The following PHKA1 variants were observed in gnomAD, a reference collection of about 807,000 sequenced individuals.
The protein encoded by PHKA1 is phosphorylase kinase regulatory subunit alpha 1.
A neutral mutation model predicts 110.2 loss-of-function variants in PHKA1; 60 were observed. The ratio of observed to expected loss-of-function variants is 0.54; its 90% CI spans 0.44 to 0.68. PHKA1 has a LOEUF of 0.68. PHKA1 is among the 30% of genes least tolerant of loss of function. PHKA1 has a pLI of 0.00. For missense variants in PHKA1, 801 were observed against 942.5 expected (o/e 0.85, Z 1.97); for synonymous variants, 316 against 333.6 (o/e 0.95, Z 0.58).
At chrX:72,660,526 TG>T in intron 8 of PHKA1, 1 of 405,864 alleles carries the variant, frequency 2.5e-6, no homozygotes, top group Non-Finnish European at 4.0e-6. Flanking sequence ...AGTATAGAAT[TG>T]GACCATAACA....
At chrX:72,710,081 G>C (rs1347530992) in intron 2 of PHKA1, among the ~76,000 whole-genome samples, 1 of 104,600 alleles carries the variant, frequency 9.6e-6, no homozygotes, top group East Asian at 3.0e-4. Flanking sequence ...TCAAAGTACA[G>C]TCAGAGTTTG....
At chrX:72,698,750 T>G (rs185506035) in intron 3 of PHKA1, among the ~76,000 whole-genome samples, 1 of 112,787 alleles carries the variant, frequency 8.9e-6, no homozygotes, top group East Asian at 2.8e-4. Context: ...ACTGTTATTC[T>G]CTTTGTTTCA....
At chrX:72,630,999 G>GTTTTTTTTTTTTTTTTTTTTTTTTTTTGT (rs146161152) in intron 16 of PHKA1, among the ~76,000 whole-genome samples, 1 of 44,710 alleles carries the variant, frequency 2.2e-5, no homozygotes, top group Non-Finnish European at 3.8e-5. Flanking sequence ...ATTTTTTCAG[G>GTTTTTTTTTTTTTTTTTTTTTTTTTTTGT]TTTTTTTTTT....
At chrX:72,707,395 T>A (rs2054301605) in intron 2 of PHKA1, among the ~76,000 whole-genome samples, 2 of 111,963 alleles carry the variant, frequency 1.8e-5, no homozygotes, top group Admixed American at 1.9e-4. Context: ...CTCTGTGTGT[T>A]CCCACAGAGC....
At chrX:72,673,986 T>G (rs1432279708) in intron 6 of PHKA1, among the ~76,000 whole-genome samples, 1 of 78,106 alleles carries the variant, frequency 1.3e-5, no homozygotes, top group Non-Finnish European at 2.3e-5. Context: ...CCCCGGTGTG[T>G]GATGTTCCCC....
rs149502385 is a variant in PHKA1 at position 72,700,823 on chromosome X, G to A, written c.285+4375C>T. The stretch of plus-strand genomic sequence containing the variant: ...TAGAGGAAAAATTTCCAGGACTCAT[G>A]GAGAACTAAAATGTTCATGAATATC... On this transcript the variant is annotated intron_variant, in intron 3 of 31. Coordinates refer to ENST00000373542, the MANE Select transcript of PHKA1 (RefSeq NM_002637.4). 3.1e-3 allele frequency among the ~76,000 whole-genome samples: 351 copies of A among 111,435 alleles called. 1 individual carries two copies. Among genetic ancestry groups the A allele is most frequent in the African/African-American group, 0.011 (342 of 30,710 alleles).
chrX:72,581,405 T>C (rs1365620519), intron 31 of PHKA1, among the ~76,000 whole-genome samples: 1 of 111,730 alleles, frequency 9.0e-6, no homozygotes, highest in African/African-American at 3.2e-5. Flanking sequence ...TAAAAATTAT[T>C]AATTGTTTAG....
At chrX:72,704,951 G>A (rs1381175692) in intron 3 of PHKA1, among the ~76,000 whole-genome samples, 1 of 111,483 alleles carries the variant, frequency 9.0e-6, no homozygotes, top group Non-Finnish European at 1.9e-5. Context: ...TGCATGTACA[G>A]TAATGATGAA....
intron 23 of PHKA1, among the ~76,000 whole-genome samples, chrX:72,608,569 C>T (rs1050622181): frequency 3.6e-5 from 4 of 111,139 alleles, no homozygotes; most frequent in Non-Finnish European, 5.7e-5. Flanking sequence ...TTTAAGCCCG[C>T]GGTGGTGAAG....
intron 5 of PHKA1, among the ~76,000 whole-genome samples, chrX:72,682,385 G>C: frequency 8.8e-6 from 1 of 113,227 alleles, no homozygotes; most frequent in Admixed American, 9.2e-5. Flanking sequence ...CGGGAGGTGA[G>C]GGGCGCCTCT....
At chrX:72,622,587 G>A in intron 18 of PHKA1, 2 of 753,430 alleles carry the variant, frequency 2.7e-6, no homozygotes, top group Non-Finnish European at 3.1e-6. Context: ...AAGCCAATTA[G>A]AGTTTGACTT....
intron 28 of PHKA1, among the ~76,000 whole-genome samples, chrX:72,600,971 A>C (rs1419255830): frequency 8.9e-6 from 1 of 112,451 alleles, no homozygotes; most frequent in African/African-American, 3.2e-5. Context: ...GAGTAGTTTT[A>C]AGCTTTTCAT....
Position 72,626,967 on chromosome X carries a change from T to C in PHKA1, c.1793+4A>G. Reference sequence around the variant, plus strand: ...TCACTAAAGAGTGTATAGAGGTCACTTACCTTGCCCCACCAAAATACCCAT... The same window carrying C: ...TCACTAAAGAGTGTATAGAGGTCACCTACCTTGCCCCACCAAAATACCCAT... On this transcript the variant is annotated splice_donor_region_variant and intron_variant, in intron 17 of 31. Coordinates refer to ENST00000373542, the MANE Select transcript of PHKA1 (RefSeq NM_002637.4). 1 of 1,194,500 alleles carries C rather than the reference T, an allele frequency of 8.4e-7. No individual in the cohort carries two copies.
In PHKA1 at chrX:72,635,206, G is replaced by T. The variant is rs782648445; in HGVS notation, c.1663C>A (p.Arg555=). The change falls in exon 16 of 32, where the codon CGG becomes AGG. Residue 555 remains arginine (R), a synonymous_variant. Coordinates refer to ENST00000373542, the MANE Select transcript of PHKA1 (RefSeq NM_002637.4). ...TDLSYLCSRW[R]MTGQPTITFP... ...GTGATGGTGGGCTGGCCTGTCATCC[G>T]CCAGCGGCTACAGAGGTAGGAGAGG... 8.3e-7 allele frequency: 1 copy of T among 1,211,169 alleles called. No homozygotes were observed. Among genetic ancestry groups the T allele is most frequent in the Admixed American group, 2.2e-5 (1 of 46,044 alleles).
chrX:72,597,803 A>T (rs4825943), intron 28 of PHKA1, among the ~76,000 whole-genome samples: 8,316 of 111,376 alleles, frequency 0.075, 848 homozygotes, highest in East Asian at 0.67. Flanking sequence ...ATATGCTGAG[A>T]TCTATGAGTC....
intron 23 of PHKA1, among the ~76,000 whole-genome samples, chrX:72,608,770 G>GA (rs1388677247): frequency 3.6e-5 from 4 of 110,850 alleles, no homozygotes; most frequent in African/African-American, 6.6e-5. Context: ...GTTTAACCAG[G>GA]AAAAAATGAG....
In PHKA1 at chrX:72,676,471, T is replaced by C. The variant is rs1481958750; in HGVS notation, c.538-321A>G. On this transcript the variant is annotated intron_variant, in intron 5 of 31. Coordinates refer to ENST00000373542, the MANE Select transcript of PHKA1 (RefSeq NM_002637.4). ...ATTTTTCATTAAAGCAAATACCCAG[T>C]AGATCTGCAAGATGGAGCCTAAATA... is the stretch of plus-strand genomic sequence containing the variant. Among the ~76,000 whole-genome samples the C allele has an allele frequency of 7.1e-5, 8 of 112,120 alleles. No individual in the cohort carries two copies. The Admixed American group carries it at 7.6e-4, about 11-fold the overall frequency.
At chrX:72,689,796 T>C (rs1421766392) in intron 4 of PHKA1, among the ~76,000 whole-genome samples, 3 of 111,791 alleles carry the variant, frequency 2.7e-5, no homozygotes, top group East Asian at 5.6e-4. Context: ...TACCAGACTC[T>C]TTTCCAAGGC....
chrX:72,648,922 C>T (rs2053393559), intron 13 of PHKA1, among the ~76,000 whole-genome samples: 1 of 111,698 alleles, frequency 9.0e-6, no homozygotes, highest in Admixed American at 9.5e-5. Context: ...ATATCTAGAA[C>T]TTTGAGACTG....
Sources: allele counts gnomAD v4.1 joint callset (sites outside exome capture counted in the v4.1 genomes callset), GRCh38; gene constraint gnomAD v4.1.1; transcripts MANE v1.5; gene names NCBI Gene and HGNC (gene_info 2026-07-23, HGNC 2026-07-21).